ASAP2: variants seen among roughly 807,000 people sequenced by gnomAD.
ASAP2 encodes ArfGAP with SH3 domain, ankyrin repeat and PH domain 2.
Under a neutral mutation model 131.4 loss-of-function variants are expected in ASAP2, and 45 were observed. That is an observed-to-expected ratio of 0.34 (90% CI 0.27 to 0.44). The LOEUF (loss-of-function observed/expected upper bound fraction) is 0.44. Among genes scored for constraint, ASAP2 ranks in the 20% least tolerant of loss-of-function variants. The pLI, the probability that ASAP2 is intolerant of heterozygous loss-of-function variation, is 1.00. For missense variants in ASAP2, 1,011 were observed against 1,297.0 expected (o/e 0.78, Z 3.39); for synonymous variants, 510 against 503.0 (o/e 1.01, Z -0.19).
At chr2:9,354,555 T>C (rs964981090) in intron 12 of ASAP2, among the ~76,000 whole-genome samples, 4 of 151,402 alleles carry the variant, frequency 2.6e-5, no homozygotes, top group Non-Finnish European at 5.9e-5. Context: ...GAAGATCGCT[T>C]GAGCCTGGGA....
In ASAP2 at chr2:9,311,599, A is replaced by G. The variant is rs577335922; in HGVS notation, c.346-6925A>G. 6.6e-6 allele frequency among the ~76,000 whole-genome samples: 1 copy of G among 152,306 alleles called. No homozygotes were observed. The highest frequency in any genetic ancestry group is 1.9e-4 in the East Asian group (1 of 5,174). ...TCTTCCCATAGAGCATGAAAATGTC[A>G]TTACTCATAAATTGAGACTGGAGCT... On this transcript the variant is annotated intron_variant, in intron 3 of 27. Coordinates refer to ENST00000281419, the MANE Select transcript of ASAP2 (RefSeq NM_003887.3). The surrounding 1 kb of genome is among the most constrained non-coding windows in gnomAD (Gnocchi z 5.2).
chr2:9,353,232 A>G (rs1672466258), intron 12 of ASAP2, among the ~76,000 whole-genome samples: 1 of 151,178 alleles, frequency 6.6e-6, no homozygotes, highest in African/African-American at 2.5e-5. Flanking sequence ...TCATGGGATG[A>G]GTATCACCAA....
chr2:9,228,609 A>C (rs1662938494), intron 1 of ASAP2, among the ~76,000 whole-genome samples: 1 of 152,156 alleles, frequency 6.6e-6, no homozygotes, highest in Non-Finnish European at 1.5e-5. Flanking sequence ...AGCAGAGTTC[A>C]TGTGTGATAT....
intron 1 of ASAP2, among the ~76,000 whole-genome samples, chr2:9,273,804 A>G (rs1047705310): frequency 6.6e-6 from 1 of 152,192 alleles, no homozygotes; most frequent in Non-Finnish European, 1.5e-5. Flanking sequence ...TCAAGTGCTG[A>G]TATTATGTTT....
chr2:9,321,413 C>T (rs1363600096), intron 5 of ASAP2, among the ~76,000 whole-genome samples: 1 of 152,182 alleles, frequency 6.6e-6, no homozygotes, highest in African/African-American at 2.4e-5. Context: ...GACTAGAGAA[C>T]CCTGCAGGTC....
intron 24 of ASAP2, among the ~76,000 whole-genome samples, chr2:9,397,845 G>A (rs1204246113): frequency 2.3e-5 from 3 of 132,546 alleles, no homozygotes; most frequent in South Asian, 2.6e-4. Context: ...TGCAAGCTCC[G>A]CCTCCCGGGT....
At chr2:9,362,033 C>T (rs1241688454) in intron 15 of ASAP2, among the ~76,000 whole-genome samples, 1 of 146,870 alleles carries the variant, frequency 6.8e-6, no homozygotes, top group African/African-American at 2.5e-5. Context: ...ATGTCTGACA[C>T]ACCGTTAAGA....
intron 3 of ASAP2, among the ~76,000 whole-genome samples, chr2:9,310,064 G>T (rs145092926): frequency 1.3e-5 from 2 of 152,294 alleles, no homozygotes; most frequent in East Asian, 3.9e-4. Context: ...GCTCTTAATT[G>T]ATACAATGAG....
intron 3 of ASAP2, among the ~76,000 whole-genome samples, chr2:9,306,108 G>T (rs540393165): frequency 2.7e-5 from 4 of 146,792 alleles, no homozygotes; most frequent in African/African-American, 1.0e-4. Context: ...GGCTGTGAGG[G>T]GTGTATATAT....
chr2:9,303,648 C>T (rs186880057), intron 3 of ASAP2, among the ~76,000 whole-genome samples: 11 of 152,320 alleles, frequency 7.2e-5, no homozygotes, highest in Admixed American at 2.6e-4. Flanking sequence ...AAGACTTCAA[C>T]GCTAAGCTAT....
At chr2:9,360,123 C>T (rs1672986281) in intron 15 of ASAP2, among the ~76,000 whole-genome samples, 1 of 152,204 alleles carries the variant, frequency 6.6e-6, no homozygotes, top group Non-Finnish European at 1.5e-5. Flanking sequence ...AAGTACTTTT[C>T]AGTAAACACT....
intron 1 of ASAP2, among the ~76,000 whole-genome samples, chr2:9,218,273 A>G (rs10195639): frequency 0.56 from 85,065 of 152,030 alleles, 25,315 homozygotes; most frequent in African/African-American, 0.77. Flanking sequence ...CCCCATTGTC[A>G]CTGAATGTGA....
intron 2 of ASAP2, among the ~76,000 whole-genome samples, chr2:9,288,275 T>A (rs1009490599): frequency 2.0e-5 from 3 of 152,216 alleles, no homozygotes; most frequent in African/African-American, 7.2e-5. Context: ...TCCTCATCTG[T>A]AAAATCCTGC....
chr2:9,393,564 C>A lies in ASAP2; in HGVS notation c.2601C>A (p.Ala867=). Reference sequence around the variant, plus strand: ...CCTTGAGCCAGCCGAGCAAGCCTGCCCCGCCTGGGATCTCACAGATCAGGC... The same window carrying A: ...CCTTGAGCCAGCCGAGCAAGCCTGCACCGCCTGGGATCTCACAGATCAGGC... The part of the protein sequence containing the change: ...MEALSQPSKP[A]PPGISQIRPP... The change falls in exon 24 of 28, where the codon GCC becomes GCA. Residue 867 remains alanine (A), a synonymous_variant. Transcript: ENST00000281419. The A allele has an allele frequency of 6.3e-7, 1 of 1,599,802 alleles. No homozygotes were observed. Among genetic ancestry groups the A allele is most frequent in the Non-Finnish European group, 8.5e-7 (1 of 1,174,258 alleles).
intron 1 of ASAP2, among the ~76,000 whole-genome samples, chr2:9,211,361 A>G (rs771989083): frequency 2.6e-5 from 4 of 152,198 alleles, no homozygotes; most frequent in African/African-American, 7.2e-5. Flanking sequence ...GAAATTTGAA[A>G]AGTAAGGGTT....
intron 1 of ASAP2, among the ~76,000 whole-genome samples, chr2:9,238,145 A>G (rs191017417): frequency 6.6e-6 from 1 of 152,310 alleles, no homozygotes; most frequent in East Asian, 1.9e-4. Context: ...CCCGCTACCT[A>G]CTGATCTTCA....
At chr2:9,347,884 T>A (rs920062635) in intron 11 of ASAP2, among the ~76,000 whole-genome samples, 1 of 152,164 alleles carries the variant, frequency 6.6e-6, no homozygotes, top group Admixed American at 6.5e-5. Context: ...ACCTTCCTTC[T>A]AAAAGCCTGA....
rs1410019018 is a variant in ASAP2 at position 9,311,697 on chromosome 2, G to A, written c.346-6827G>A. On this transcript the variant is annotated intron_variant, in intron 3 of 27. Coordinates refer to ENST00000281419, the MANE Select transcript of ASAP2 (RefSeq NM_003887.3). The surrounding 1 kb of genome is among the most constrained non-coding windows in gnomAD (Gnocchi z 5.2). ...CCCTCTCGGCCAGAACTCGAGGATG[G>A]CTCGTTCGGCTGCGGGCCTGAGGCT... is the stretch of plus-strand genomic sequence containing the variant. Among the ~76,000 whole-genome samples the A allele has an allele frequency of 6.6e-6, 1 of 152,206 alleles. No homozygotes were observed.
rs913274299 is a variant in ASAP2 at position 9,389,007 on chromosome 2, C to T, written c.2383+461C>T. ...GATCCCCATAAAAGATATTGGGGAACGATGCTCGGCCTAATTGTAAAATAC... is the reference window on the plus strand; with the variant it reads ...GATCCCCATAAAAGATATTGGGGAATGATGCTCGGCCTAATTGTAAAATAC... On this transcript the variant is annotated intron_variant, in intron 22 of 27. Coordinates refer to ENST00000281419, the MANE Select transcript of ASAP2 (RefSeq NM_003887.3). This position sits in a 1 kb window ranked among gnomAD's most constrained non-coding sequence, Gnocchi z 4.7. Among the ~76,000 whole-genome samples, 1 of 152,196 alleles carries T rather than the reference C, an allele frequency of 6.6e-6. No homozygotes were observed. Among genetic ancestry groups the T allele is most frequent in the Non-Finnish European group, 1.5e-5 (1 of 68,036 alleles).
Sources: allele counts gnomAD v4.1 joint callset (sites outside exome capture counted in the v4.1 genomes callset), GRCh38; gene constraint gnomAD v4.1.1; non-coding constraint Gnocchi (gnomAD v3.1); transcripts MANE v1.5; gene names NCBI Gene and HGNC (gene_info 2026-07-23, HGNC 2026-07-21).